Variants in SERPINB8 observed in about 807,000 individuals in gnomAD.
The protein encoded by SERPINB8 is serpin B8.
A neutral mutation model predicts 35.3 loss-of-function variants in SERPINB8; 25 were observed. The observed-to-expected ratio is 0.71, with a 90% CI of 0.52 to 0.99. The LOEUF (loss-of-function observed/expected upper bound fraction) is 0.99, where lower values mean the gene tolerates loss of function less well. SERPINB8 is among the 50% of genes least tolerant of loss of function. The probability of loss-of-function intolerance (pLI) is 0.00; values close to 1 mark genes in which losing one functional copy is unlikely to be tolerated. For missense variants in SERPINB8, 484 were observed against 446.5 expected (o/e 1.08, Z -0.76); for synonymous variants, 186 against 160.8 (o/e 1.16, Z -1.19).
intron 4 of SERPINB8, among the ~76,000 whole-genome samples, chr18:63,982,903 AC>A (rs994157905): frequency 1.3e-5 from 2 of 150,098 alleles, no homozygotes; most frequent in Non-Finnish European, 3.0e-5. Context: ...CCTCTATTCT[AC>A]CCCCCTAATT....
Position 63,987,325 on chromosome 18 carries a change from G to T in SERPINB8, c.*47G>T. 1 of 1,549,202 alleles carries T rather than the reference G, an allele frequency of 6.5e-7. No individual in the cohort carries two copies. Among genetic ancestry groups the T allele is most frequent in the Middle Eastern group, 1.8e-4 (1 of 5,712 alleles). ...ACCCTCCTTTCCTTCTACCTATCTTGCCTTAATTAACATTCCCTGTGACCT... is the reference window on the plus strand; with the variant it reads ...ACCCTCCTTTCCTTCTACCTATCTTTCCTTAATTAACATTCCCTGTGACCT... On this transcript the variant is annotated 3_prime_UTR_variant, in exon 7 of 7. Transcript: ENST00000397985.
intron 1 of SERPINB8, among the ~76,000 whole-genome samples, chr18:63,996,728 A>G (rs2050851412): frequency 6.6e-6 from 1 of 152,248 alleles, no homozygotes; most frequent in East Asian, 1.9e-4. Flanking sequence ...TACACCATTA[A>G]CAGACAGAGA....
chr18:63,973,047 A>G (rs2050517576), intron 1 of SERPINB8, among the ~76,000 whole-genome samples: 1 of 152,184 alleles, frequency 6.6e-6, no homozygotes, highest in Non-Finnish European at 1.5e-5. Flanking sequence ...CTAGTTCTAG[A>G]TCCTTGAGGA....
chr18:64,012,620 G>C (rs1349788897), intron 7 of SERPINB8, among the ~76,000 whole-genome samples: 3 of 151,562 alleles, frequency 2.0e-5, no homozygotes, highest in Non-Finnish European at 4.4e-5. Context: ...TCTTGAGTTA[G>C]CTAAAAATCC....
At chr18:63,995,205 TGAA>T (rs1425409002) in intron 1 of SERPINB8, among the ~76,000 whole-genome samples, 1 of 152,150 alleles carries the variant, frequency 6.6e-6, no homozygotes, top group Non-Finnish European at 1.5e-5. Flanking sequence ...GGAGATGACT[TGAA>T]GAGCCTCACG....
intron 5 of SERPINB8, among the ~76,000 whole-genome samples, chr18:63,984,258 T>C: frequency 6.6e-6 from 1 of 152,244 alleles, no homozygotes; most frequent in Non-Finnish European, 1.5e-5. Context: ...TGATCAAATC[T>C]ACCTTCCATC....
chr18:63,974,455 C>G (rs540985932), intron 1 of SERPINB8, among the ~76,000 whole-genome samples: 1 of 152,130 alleles, frequency 6.6e-6, no homozygotes. Flanking sequence ...TACTTGGAAA[C>G]GTAAGGCTTG....
chr18:64,017,089 A>T (rs866320557), intron 7 of SERPINB8, among the ~76,000 whole-genome samples: 1 of 152,140 alleles, frequency 6.6e-6, no homozygotes, highest in South Asian at 2.1e-4. Flanking sequence ...TGAAGACTAG[A>T]CTGTCCCTTC....
chr18:63,985,294 C>T (rs2050736678), intron 6 of SERPINB8, 49 bp downstream of exon 6: 1 of 1,594,546 alleles, frequency 6.3e-7, no homozygotes, highest in Non-Finnish European at 8.6e-7. Flanking sequence ...CAGCTGAGCT[C>T]ATTTCTTTAT....
Position 63,987,495 on chromosome 18 carries a change from G to A in SERPINB8, c.*217G>A, listed in dbSNP as rs2050779948. On this transcript the variant is annotated 3_prime_UTR_variant, in exon 7 of 7. Transcript: ENST00000397985. Reference sequence around the variant, plus strand: ...GGCCTGGGAAGGCTATGCTGGTTTTGGAGTGTTTGGGGTGCCTGCCATTGC... The same window carrying A: ...GGCCTGGGAAGGCTATGCTGGTTTTAGAGTGTTTGGGGTGCCTGCCATTGC... The A allele has an allele frequency of 1.8e-6, 1 of 554,274 alleles. No homozygotes were observed. 34.3% of individuals were successfully genotyped at this position (554,274 alleles called of 1,614,324 possible).
At chr18:63,995,818 T>C (rs1420494935) in intron 1 of SERPINB8, among the ~76,000 whole-genome samples, 1 of 152,210 alleles carries the variant, frequency 6.6e-6, no homozygotes, top group East Asian at 1.9e-4. Flanking sequence ...CAAAGACGAA[T>C]GAAAACTTTA....
rs781172480 is a variant in SERPINB8 at position 63,979,912 on chromosome 18, G to A, written c.280G>A (p.Gly94Arg). ...YLLRTANRLF[G>R]EKTCDFLPDF... ...GCTTAGAACTGCCAACAGACTCTTT[G>A]GAGAAAAGACGTGTGATTTCCTTCC... is the stretch of plus-strand genomic sequence containing the variant. The change falls in exon 3 of 7, where the codon GGA becomes AGA. Residue 94 changes from glycine to arginine, a missense_variant. Gly to Arg is a moderately radical substitution (Grantham distance 125). Transcript: ENST00000397985. 1.2e-6 allele frequency: 2 copies of A among 1,614,072 alleles called. No individual in the cohort carries two copies. The highest frequency in any genetic ancestry group is 2.2e-5 in the East Asian group (1 of 44,874).
chr18:64,007,394 C>T (rs887797340), downstream of SERPINB8, among the ~76,000 whole-genome samples: 18 of 151,948 alleles, frequency 1.2e-4, no homozygotes, highest in Non-Finnish European at 1.9e-4. Context: ...TTTCAGCAAA[C>T]GAAAAGAAAG....
chr18:64,017,774 C>T (rs1331636381), intron 7 of SERPINB8, among the ~76,000 whole-genome samples: 1 of 152,182 alleles, frequency 6.6e-6, no homozygotes, highest in East Asian at 1.9e-4. Context: ...TCACATTGCA[C>T]ACCATCAGCC....
At chr18:63,986,135 G>T in intron 6 of SERPINB8, 1 of 854,744 alleles carries the variant, frequency 1.2e-6, no homozygotes. Context: ...TAGAAATAGA[G>T]TCAAAATCAA....
intron 1 of SERPINB8, among the ~76,000 whole-genome samples, chr18:63,996,500 G>GAGA (rs1399742944): frequency 2.4e-4 from 37 of 152,166 alleles, no homozygotes; most frequent in Non-Finnish European, 5.1e-4. Context: ...ATGTGGAATG[G>GAGA]GTTGCAATCC....
intron 1 of SERPINB8, among the ~76,000 whole-genome samples, chr18:63,977,086 T>C (rs1045208247): frequency 1.3e-5 from 2 of 152,126 alleles, no homozygotes; most frequent in Non-Finnish European, 2.9e-5. Flanking sequence ...ATAGATTATA[T>C]TGGAGACATT....
intron 1 of SERPINB8, among the ~76,000 whole-genome samples, chr18:63,972,623 G>A (rs1204409400): frequency 6.6e-6 from 1 of 152,094 alleles, no homozygotes; most frequent in African/African-American, 2.4e-5. Context: ...TTCTCCTAAT[G>A]CTATTCCTCT....
At chr18:64,016,275 A>G (rs528302492) in intron 7 of SERPINB8, among the ~76,000 whole-genome samples, 2 of 152,304 alleles carry the variant, frequency 1.3e-5, no homozygotes, top group East Asian at 3.9e-4. Flanking sequence ...AGCTATCTCT[A>G]CTGAGACCGT....
Sources: allele counts gnomAD v4.1 joint callset (sites outside exome capture counted in the v4.1 genomes callset), GRCh38; gene constraint gnomAD v4.1.1; transcripts MANE v1.5; gene names NCBI Gene and HGNC (gene_info 2026-07-23, HGNC 2026-07-21).